The following DDR2 variants were observed in gnomAD, a reference collection of about 807,000 sequenced individuals.
DDR2 encodes discoidin domain-containing receptor 2.
In DDR2, 27 loss-of-function variants were observed where a neutral mutation model predicts 94.9. That is an observed-to-expected ratio of 0.28 (90% CI 0.21 to 0.39). DDR2 has a LOEUF of 0.39. Ranked by LOEUF, DDR2 falls within the 10% of genes least tolerant of loss-of-function variation. DDR2 has a pLI of 1.00. For missense variants in DDR2, 783 were observed against 1,076.0 expected (o/e 0.73, Z 3.81); for synonymous variants, 382 against 377.2 (o/e 1.01, Z -0.15).
At chr1:162,659,262 G>T (rs1264560786) in intron 2 of DDR2, among the ~76,000 whole-genome samples, 1 of 152,220 alleles carries the variant, frequency 6.6e-6, no homozygotes, top group Non-Finnish European at 1.5e-5. Context: ...TTGAAGGAAG[G>T]AAAGGACACT....
intron 2 of DDR2, among the ~76,000 whole-genome samples, chr1:162,693,919 C>G (rs1344793050): frequency 2.0e-5 from 3 of 152,154 alleles, no homozygotes; most frequent in Non-Finnish European, 4.4e-5. Context: ...AAATCATGAT[C>G]CATTTGATTT....
At chr1:162,676,259 A>G (rs1354874106) in intron 2 of DDR2, among the ~76,000 whole-genome samples, 13 of 152,066 alleles carry the variant, frequency 8.5e-5, no homozygotes, top group Non-Finnish European at 1.9e-4. Flanking sequence ...ACAAGCAGAA[A>G]TGGGCAGAAC....
intron 3 of DDR2, among the ~76,000 whole-genome samples, chr1:162,729,176 G>A (rs1661870858): frequency 2.0e-5 from 3 of 150,360 alleles, no homozygotes; most frequent in East Asian, 2.0e-4. Context: ...CCCCAAGACC[G>A]ACTCAAGTTG....
At chr1:162,733,455 C>A (rs1364876248) in intron 3 of DDR2, among the ~76,000 whole-genome samples, 1 of 152,192 alleles carries the variant, frequency 6.6e-6, no homozygotes, top group East Asian at 1.9e-4. Context: ...TCATCTTGTC[C>A]ATTTTCCTGT....
chr1:162,671,535 G>T (rs757069518), intron 2 of DDR2, among the ~76,000 whole-genome samples: 1 of 152,138 alleles, frequency 6.6e-6, no homozygotes, highest in Non-Finnish European at 1.5e-5. Context: ...AATAACTACT[G>T]CCTTTTTTAC....
chr1:162,733,773 C>G (rs890414911), intron 3 of DDR2, among the ~76,000 whole-genome samples: 9 of 152,176 alleles, frequency 5.9e-5, no homozygotes, highest in African/African-American at 1.7e-4. Context: ...GATTACTATT[C>G]TCAAAGTTGC....
rs1204801424 is a variant in DDR2, at chr1:162,785,749, T to C, written c.*5503T>C. On this transcript the variant is annotated 3_prime_UTR_variant, in exon 18 of 18. Coordinates refer to ENST00000367921, the MANE Select transcript of DDR2 (RefSeq NM_006182.4). ...GTAACATGGAGAGTTTATTTTCAAGTGAGGAAAGAGAAAAAAATTACTCAG... is the reference window on the plus strand; with the variant it reads ...GTAACATGGAGAGTTTATTTTCAAGCGAGGAAAGAGAAAAAAATTACTCAG... 8.5e-5 allele frequency: 13 copies of C among 152,192 alleles called. No homozygotes were observed. The highest frequency in any genetic ancestry group is 4.4e-5 in the Non-Finnish European group (3 of 68,024). The allele number at this position is 152,192 out of a possible 1,614,324, so 9.4% of individuals were successfully genotyped here. A position where few individuals can be genotyped will look rare whatever the true frequency, so the allele number is the denominator to read the frequency against.
intron 2 of DDR2, among the ~76,000 whole-genome samples, chr1:162,669,280 A>C (rs1169995015): frequency 1.3e-5 from 2 of 152,272 alleles, no homozygotes; most frequent in African/African-American, 4.8e-5. Flanking sequence ...AAAATTCACC[A>C]ACCGGGGAAA....
rs530944446 is a variant in DDR2 at position 162,754,309 on chromosome 1, T to A, written c.186-315T>A. ...TGAAAGAGGGAAGGGAAATATGAAA[T>A]GACTCATGCGGGAACAGAGAGTAGG... On this transcript the variant is annotated intron_variant, in intron 4 of 17. Transcript: ENST00000367921. 2.4e-4 allele frequency among the ~76,000 whole-genome samples: 36 copies of A among 152,266 alleles called. 1 individual carries two copies. In the South Asian group the frequency reaches 7.3e-3, roughly 31 times the overall value.
At chr1:162,731,913 T>C (rs1662070455) in intron 3 of DDR2, among the ~76,000 whole-genome samples, 1 of 152,208 alleles carries the variant, frequency 6.6e-6, no homozygotes, top group Non-Finnish European at 1.5e-5. Flanking sequence ...TCAGTTTTCT[T>C]CTTCACTCCT....
chr1:162,656,623 C>T (rs1035426694), intron 2 of DDR2, among the ~76,000 whole-genome samples: 1 of 151,592 alleles, frequency 6.6e-6, no homozygotes, highest in Admixed American at 6.6e-5. Context: ...ATGATAGACT[C>T]TTGGTATGGG....
chr1:162,763,215 C>G (rs1663829252), intron 9 of DDR2, among the ~76,000 whole-genome samples: 1 of 149,958 alleles, frequency 6.7e-6, no homozygotes, highest in South Asian at 2.1e-4. Context: ...GTATCTTGCT[C>G]TGTTGCCCAG....
intron 2 of DDR2, among the ~76,000 whole-genome samples, chr1:162,706,460 T>A (rs1372636366): frequency 6.6e-6 from 1 of 152,208 alleles, no homozygotes; most frequent in Admixed American, 6.5e-5. Flanking sequence ...AAGGAAAGCA[T>A]ACATTTACCT....
At chr1:162,753,232 G>T in intron 4 of DDR2, 35 bp downstream of exon 4, 1 of 1,597,594 alleles carries the variant, frequency 6.3e-7, no homozygotes. Context: ...CCCATGTTCT[G>T]GGGTTGGGCA....
At chr1:162,770,246 G>A (rs1358401344) in intron 11 of DDR2, 56 bp from the exon 12 acceptor site, 1 of 1,531,766 alleles carries the variant, frequency 6.5e-7, no homozygotes, top group Admixed American at 1.7e-5. Context: ...AAGAAGAGGA[G>A]GCATTGACCA....
rs142443804 is a variant in DDR2, at chr1:162,777,578, A to T, written c.2284-1002A>T. Among the ~76,000 whole-genome samples the T allele has an allele frequency of 6.1e-4, 93 of 152,272 alleles. No individual in the cohort carries two copies. In the East Asian group the frequency reaches 0.016, roughly 26 times the overall value. Reference sequence around the variant, plus strand: ...GGATAGTTAGGCATTACTCTCCCTAAAGGTATTATATGGTGTTCAAAACAA... The same window carrying T: ...GGATAGTTAGGCATTACTCTCCCTATAGGTATTATATGGTGTTCAAAACAA... On this transcript the variant is annotated intron_variant, in intron 16 of 17. Transcript: ENST00000367921.
chr1:162,726,610 T>G (rs1661678630), intron 3 of DDR2, among the ~76,000 whole-genome samples: 1 of 152,156 alleles, frequency 6.6e-6, no homozygotes, highest in South Asian at 2.1e-4. Flanking sequence ...AGACCTAGTC[T>G]CCTTGAGTCT....
At chr1:162,656,476 C>T (rs1657971163) in intron 2 of DDR2, among the ~76,000 whole-genome samples, 1 of 152,150 alleles carries the variant, frequency 6.6e-6, no homozygotes, top group Non-Finnish European at 1.5e-5. Context: ...TGCTCTTTAG[C>T]TTCCTGGTGG....
At position 162,783,745 on chromosome 1, in the gene DDR2, T is replaced by A. The variant is rs1369697314; in HGVS notation, c.*3499T>A. 1 of 152,184 alleles carries A rather than the reference T, an allele frequency of 6.6e-6. No individual in the cohort carries two copies. The highest frequency in any genetic ancestry group is 1.5e-5 in the Non-Finnish European group (1 of 68,032). The allele number at this position is 152,184 out of a possible 1,614,324, so 9.4% of individuals were successfully genotyped here. A position where few individuals can be genotyped will look rare whatever the true frequency, so the allele number is the denominator to read the frequency against. On this transcript the variant is annotated 3_prime_UTR_variant, in exon 18 of 18. Coordinates refer to ENST00000367921, the MANE Select transcript of DDR2 (RefSeq NM_006182.4). ...TTTCAGAATTTTAAGAAAGGGGAAG[T>A]TCCTCTTGGAAAAGATATAGCAACC...
Sources: gnomAD v4.1 joint callset for allele counts (sites outside exome capture counted in the v4.1 genomes callset) on GRCh38, gnomAD v4.1.1 for gene constraint, MANE v1.5 for transcripts, NCBI Gene and HGNC (gene_info 2026-07-23, HGNC 2026-07-21) for gene names.